The following ENTREP2 variants were observed in gnomAD, a reference collection of about 807,000 sequenced individuals.
ENTREP2 encodes the protein endosomal transmembrane epsin interactor 2.
chr15:29,390,226 C>G, the ENTREP2 span, among the ~76,000 whole-genome samples: 1 of 152,066 alleles, frequency 6.6e-6, no homozygotes, highest in Admixed American at 6.6e-5. Context: ...TCTGACATGT[C>G]AGTAATCCTG....
At chr15:29,302,682 C>T in the ENTREP2 span, among the ~76,000 whole-genome samples, 4 of 151,970 alleles carry the variant, frequency 2.6e-5, no homozygotes, top group Non-Finnish European at 4.4e-5. Flanking sequence ...TCATAGAAAA[C>T]GGAAAAAGAG....
At chr15:29,442,708 G>GT in the ENTREP2 span, among the ~76,000 whole-genome samples, 1 of 152,152 alleles carries the variant, frequency 6.6e-6, no homozygotes, top group Admixed American at 6.5e-5. Flanking sequence ...AATATGGAGG[G>GT]TCCCCGTGCC....
the ENTREP2 span, among the ~76,000 whole-genome samples, chr15:29,657,074 G>A: frequency 2.0e-5 from 3 of 152,090 alleles, no homozygotes; most frequent in African/African-American, 7.2e-5. Flanking sequence ...TTGAGACCGA[G>A]TCTCCCGCTG....
the ENTREP2 span, among the ~76,000 whole-genome samples, chr15:29,616,477 C>T: frequency 6.6e-6 from 1 of 152,128 alleles, no homozygotes; most frequent in Non-Finnish European, 1.5e-5. Flanking sequence ...CAGAGTGTCT[C>T]TTTAGAAGCT....
At chr15:29,313,045 C>T in the ENTREP2 span, among the ~76,000 whole-genome samples, 72,572 of 152,064 alleles carry the variant, frequency 0.48, 19,002 homozygotes, top group African/African-American at 0.72. Context: ...AGTGGTCTAA[C>T]AGAAGATCAA....
At chr15:29,490,636 C>G in the ENTREP2 span, among the ~76,000 whole-genome samples, 73 of 152,192 alleles carry the variant, frequency 4.8e-4, no homozygotes, top group Non-Finnish European at 1.0e-3. Context: ...AATCCTCTAG[C>G]TAGGTGTAAA....
the ENTREP2 span, among the ~76,000 whole-genome samples, chr15:29,191,886 CT>C: frequency 1.3e-5 from 2 of 152,196 alleles, no homozygotes; most frequent in Admixed American, 6.5e-5. Context: ...TGCACTCAAC[CT>C]GGGCAACAGA....
the ENTREP2 span, among the ~76,000 whole-genome samples, chr15:29,283,534 T>C: frequency 1.3e-5 from 2 of 152,068 alleles, no homozygotes; most frequent in East Asian, 3.9e-4. Context: ...CAATCCACCA[T>C]GGCCTGGGGG....
chr15:29,137,084 T>A, the ENTREP2 span: 1 of 1,460,164 alleles, frequency 6.8e-7, no homozygotes. Flanking sequence ...GGTAATAGGG[T>A]GGAGGCGGGA....
chr15:29,527,256 G>A, the ENTREP2 span, among the ~76,000 whole-genome samples: 2 of 152,120 alleles, frequency 1.3e-5, no homozygotes, highest in South Asian at 2.1e-4. Flanking sequence ...CTGTTTCATC[G>A]GCCCAACCTT....
chr15:29,621,292 G>C, the ENTREP2 span, among the ~76,000 whole-genome samples: 1 of 151,920 alleles, frequency 6.6e-6, no homozygotes, highest in African/African-American at 2.4e-5. Flanking sequence ...GGGAGGCCGA[G>C]ACAGGTGGAT....
chr15:29,200,862 A>G, the ENTREP2 span, among the ~76,000 whole-genome samples: 1 of 152,172 alleles, frequency 6.6e-6, no homozygotes, highest in Non-Finnish European at 1.5e-5. Flanking sequence ...CACTGTGCCC[A>G]GCCCAAACCC....
chr15:29,422,647 C>T, the ENTREP2 span, among the ~76,000 whole-genome samples: 1 of 152,218 alleles, frequency 6.6e-6, no homozygotes, highest in Non-Finnish European at 1.5e-5. Flanking sequence ...ACCCTACCCC[C>T]ACCCTCTACC....
the ENTREP2 span, among the ~76,000 whole-genome samples, chr15:29,292,348 TTTCC>T: frequency 1.5e-4 from 23 of 150,284 alleles, no homozygotes; most frequent in African/African-American, 3.9e-4. Context: ...TCCTTCCTTC[TTTCC>T]TTCCTTCCTT....
chr15:29,249,405 A>G, the ENTREP2 span, among the ~76,000 whole-genome samples: 1 of 152,234 alleles, frequency 6.6e-6, no homozygotes, highest in Non-Finnish European at 1.5e-5. Context: ...CATTAAATAT[A>G]TATGTATACA....
At chr15:29,352,095 G>C in the ENTREP2 span, among the ~76,000 whole-genome samples, 2 of 151,904 alleles carry the variant, frequency 1.3e-5, no homozygotes, top group Non-Finnish European at 2.9e-5. Flanking sequence ...CAACCATACC[G>C]GGCTAATTTT....
At chr15:29,504,929 T>C in the ENTREP2 span, among the ~76,000 whole-genome samples, 1 of 152,230 alleles carries the variant, frequency 6.6e-6, no homozygotes, top group Non-Finnish European at 1.5e-5. Context: ...GCAGGTCTGT[T>C]CTCATAAGGA....
At chr15:29,441,601 A>T in the ENTREP2 span, among the ~76,000 whole-genome samples, 1 of 152,156 alleles carries the variant, frequency 6.6e-6, no homozygotes, top group African/African-American at 2.4e-5. Flanking sequence ...CTGGGTGTGC[A>T]TTTATGTACA....
At chr15:29,134,838 G>C in the ENTREP2 span, among the ~76,000 whole-genome samples, 1 of 152,206 alleles carries the variant, frequency 6.6e-6, no homozygotes. Flanking sequence ...GGATCTCAAA[G>C]TGACAGGGAG....
Sources: allele counts gnomAD v4.1 joint callset (sites outside exome capture counted in the v4.1 genomes callset), GRCh38; gene constraint gnomAD v4.1.1; transcripts MANE v1.5; gene names NCBI Gene and HGNC (gene_info 2026-07-23, HGNC 2026-07-21).